Variants in EXOC4 observed in about 807,000 individuals in gnomAD.
EXOC4 encodes the protein exocyst complex component 4.
A neutral mutation model predicts 107.2 loss-of-function variants in EXOC4; 71 were observed. That is an observed-to-expected ratio of 0.66 (90% CI 0.55 to 0.81). EXOC4 has a LOEUF of 0.81. Among genes scored for constraint, EXOC4 ranks in the 30% least tolerant of loss-of-function variants. The pLI is 0.00. For synonymous variants in EXOC4, 456 were observed against 441.2 expected, an observed-to-expected ratio of 1.03 and a Z score of -0.42; for missense variants, 1,108 against 1,189.6, an observed-to-expected ratio of 0.93 and a Z score of 1.01.
chr7:133,604,701 TCC>T (rs1801888622), intron 9 of EXOC4, among the ~76,000 whole-genome samples: 1 of 132,854 alleles, frequency 7.5e-6, no homozygotes, highest in African/African-American at 3.1e-5. Context: ...CTTCCTTCCT[TCC>T]TTCTTTCTTT....
intron 17 of EXOC4, among the ~76,000 whole-genome samples, chr7:134,051,224 T>TTA (rs1346048532): frequency 1.3e-5 from 2 of 152,174 alleles, no homozygotes; most frequent in South Asian, 2.1e-4. Flanking sequence ...CATCTGAGCA[T>TTA]TATATATATG....
chr7:133,784,452 G>A (rs1376846589), intron 10 of EXOC4, among the ~76,000 whole-genome samples: 1 of 151,998 alleles, frequency 6.6e-6, no homozygotes, highest in Non-Finnish European at 1.5e-5. Flanking sequence ...GAGCACCCTG[G>A]ACATCAGTAT....
intron 9 of EXOC4, among the ~76,000 whole-genome samples, chr7:133,612,663 G>T (rs1802097293): frequency 6.6e-6 from 1 of 152,184 alleles, no homozygotes; most frequent in African/African-American, 2.4e-5. Flanking sequence ...GATGGCTGAA[G>T]AGAGACCAAT....
chr7:133,685,693 A>G (rs1794282200), intron 10 of EXOC4, among the ~76,000 whole-genome samples: 1 of 152,218 alleles, frequency 6.6e-6, no homozygotes. Context: ...GGCCGACTTG[A>G]GAAAGAACAA....
In EXOC4 at chr7:133,554,546, A is replaced by G. The variant is rs908985805; in HGVS notation, c.1417+74408A>G. On this transcript the variant is annotated intron_variant, in intron 9 of 17. Coordinates refer to ENST00000253861, the MANE Select transcript of EXOC4 (RefSeq NM_021807.4). The stretch of plus-strand genomic sequence containing the variant: ...TTGATGCCTTTTCTTTGACAAAATC[A>G]CCATGAATCAGAATGGCAATCACAG... Among the ~76,000 whole-genome samples, 23 of 152,230 alleles carry G rather than the reference A, an allele frequency of 1.5e-4. No individual in the cohort carries two copies. In the Middle Eastern group the frequency reaches 0.014, roughly 90 times the overall value.
chr7:133,850,640 C>T (rs949412297), intron 11 of EXOC4, among the ~76,000 whole-genome samples: 2 of 149,900 alleles, frequency 1.3e-5, no homozygotes, highest in African/African-American at 2.4e-5. Context: ...GGTTACCCCC[C>T]CACACACACA....
At chr7:134,033,774 T>C (rs942978128) in intron 17 of EXOC4, among the ~76,000 whole-genome samples, 27 of 152,076 alleles carry the variant, frequency 1.8e-4, no homozygotes, top group African/African-American at 4.8e-4. Context: ...AGTAAACTTA[T>C]AAAAGCTCCA....
downstream of EXOC4, among the ~76,000 whole-genome samples, chr7:134,066,949 G>A (rs913335991): frequency 7.9e-5 from 12 of 151,902 alleles, no homozygotes; most frequent in South Asian, 2.1e-4. Context: ...TCAGGAGTTC[G>A]AGACCAGCCT....
At chr7:133,799,635 C>T (rs1796891596) in intron 10 of EXOC4, among the ~76,000 whole-genome samples, 1 of 152,042 alleles carries the variant, frequency 6.6e-6, no homozygotes, top group Non-Finnish European at 1.5e-5. Context: ...GCAGCCTGAT[C>T]CTAAGAGGAC....
chr7:133,589,753 G>A (rs191667738), intron 9 of EXOC4, among the ~76,000 whole-genome samples: 83 of 152,288 alleles, frequency 5.5e-4, no homozygotes, highest in Non-Finnish European at 1.0e-3. Context: ...ACAAATGGAT[G>A]GGGATGGTCT....
chr7:133,897,128 G>C (rs1307197100), intron 12 of EXOC4, among the ~76,000 whole-genome samples: 2 of 151,706 alleles, frequency 1.3e-5, no homozygotes, highest in African/African-American at 4.8e-5. Flanking sequence ...TAGCAGATAT[G>C]GAATCATTAT....
At chr7:133,799,293 T>A (rs1189950774) in intron 10 of EXOC4, among the ~76,000 whole-genome samples, 1 of 152,200 alleles carries the variant, frequency 6.6e-6, no homozygotes, top group East Asian at 1.9e-4. Flanking sequence ...ACACTCAGAA[T>A]GACTAGAGTC....
chr7:133,451,829 C>T (rs1798354903), intron 7 of EXOC4, among the ~76,000 whole-genome samples: 1 of 152,088 alleles, frequency 6.6e-6, no homozygotes, highest in Admixed American at 6.6e-5. Flanking sequence ...TAGACCTGCT[C>T]AGCCCATAGC....
chr7:133,744,546 A>G (rs1795636023), intron 10 of EXOC4, among the ~76,000 whole-genome samples: 1 of 152,198 alleles, frequency 6.6e-6, no homozygotes, highest in African/African-American at 2.4e-5. Context: ...GTGAGATAGA[A>G]GAGTATTGAA....
chr7:133,842,888 G>A (rs1267294442), intron 11 of EXOC4, among the ~76,000 whole-genome samples: 5 of 152,052 alleles, frequency 3.3e-5, no homozygotes, highest in African/African-American at 9.7e-5. Context: ...ACCATTTATC[G>A]AATAGGGAGT....
the EXOC4 span, among the ~76,000 whole-genome samples, chr7:134,074,508 A>G: frequency 6.6e-6 from 1 of 152,248 alleles, no homozygotes; most frequent in Non-Finnish European, 1.5e-5. Flanking sequence ...TTGTGGATTC[A>G]TAGAAATGGA....
chr7:133,895,720 G>T lies in EXOC4; in HGVS notation c.1856G>T (p.Cys619Phe), dbSNP rs769605200. The change falls in exon 12 of 18, where the codon TGC (cysteine) becomes TTC (phenylalanine). Residue 619 changes from cysteine (C) to phenylalanine (F), a missense_variant. Transcript: ENST00000253861. ...AAGCTCCAGGAGTACAAGGACACCT[G>T]CACTGCAGCTTACAGGTAGAGCTTC... is the stretch of plus-strand genomic sequence containing the variant. Reference protein sequence around the residue: ...CVKLQEYKDTCTAAYRGIVQS... With the variant: ...CVKLQEYKDTFTAAYRGIVQS... 1 of 1,614,020 alleles carries T rather than the reference G, an allele frequency of 6.2e-7. No homozygotes were observed. Among genetic ancestry groups the T allele is most frequent in the Non-Finnish European group, 8.5e-7 (1 of 1,179,944 alleles).
At position 134,007,085 on chromosome 7, in the gene EXOC4, A is replaced by G. The variant is rs188762497; in HGVS notation, c.2528-591A>G. 5.3e-5 allele frequency among the ~76,000 whole-genome samples: 8 copies of G among 152,298 alleles called. No individual in the cohort carries two copies. In the East Asian group the frequency reaches 1.4e-3, roughly 26 times the overall value. On this transcript the variant is annotated intron_variant, in intron 16 of 17. Coordinates refer to ENST00000253861, the MANE Select transcript of EXOC4 (RefSeq NM_021807.4). ...TTTTCTAATTGTGTCTTATACACCCATTGCCATTGTTAAGGTATATTAGCA... is the reference window on the plus strand; with the variant it reads ...TTTTCTAATTGTGTCTTATACACCCGTTGCCATTGTTAAGGTATATTAGCA...
chr7:133,755,798 C>T (rs1048957185), intron 10 of EXOC4, among the ~76,000 whole-genome samples: 7 of 152,132 alleles, frequency 4.6e-5, no homozygotes, highest in African/African-American at 1.7e-4. Flanking sequence ...CCTCTTAAAC[C>T]ATTTCCAAGA....
Sources: gnomAD v4.1 joint callset for allele counts (sites outside exome capture counted in the v4.1 genomes callset) on GRCh38, gnomAD v4.1.1 for gene constraint, MANE v1.5 for transcripts, NCBI Gene and HGNC (gene_info 2026-07-23, HGNC 2026-07-21) for gene names.